The following C16orf89 variants were observed in gnomAD, a reference collection of about 807,000 sequenced individuals.
The protein encoded by C16orf89 is UPF0764 protein C16orf89.
C16orf89 carries 57 observed loss-of-function variants against 41.5 expected under a neutral mutation model. That is an observed-to-expected ratio of 1.38 (90% CI 1.11 to 1.71). The LOEUF is 1.71. C16orf89 is among the 40% of genes most tolerant of loss of function. The pLI is 0.00. For synonymous variants in C16orf89, 223 were observed against 190.6 expected (o/e 1.17, Z -1.40); for missense variants, 575 against 445.9 (o/e 1.29, Z -2.61).
In C16orf89 at chr16:5,060,327, C is replaced by G. The variant is rs373579037; in HGVS notation, c.468G>C (p.Glu156Asp). 45 of 1,612,924 alleles carry G rather than the reference C, an allele frequency of 2.8e-5. No individual in the cohort carries two copies. In the African/African-American group the frequency reaches 5.5e-4, roughly 20 times the overall value. ...PTFGPQDSFS[E>D]ERSDVCLVQL... is the part of the protein sequence containing the mutation. ...GCACCAGGCACACGTCACTTCTCTC[C>G]TCTGAGAATGAGTCCTGGGGCCCGA... Residue 156 changes from glutamate (E) to aspartate (D), a missense_variant, in exon 3 of 8, where the codon GAG becomes GAC. Transcript: ENST00000472572.
intron 5 of C16orf89, 160 bp from the exon 6 acceptor site, chr16:5,055,510 G>T (rs1567154908): frequency 2.1e-6 from 2 of 951,394 alleles, no homozygotes; most frequent in Non-Finnish European, 3.1e-6. Flanking sequence ...TTGAGCCTTT[G>T]CCTGACCAAC....
chr16:5,044,304 G>GGGGTCTGTTCCTCCTCCAGGCA lies in C16orf89; in HGVS notation c.*22_*43dup. The GGGGTCTGTTCCTCCTCCAGGCA allele has an allele frequency of 6.4e-7, 1 of 1,553,522 alleles. No homozygotes were observed. The highest frequency in any genetic ancestry group is 1.9e-5 in the Admixed American group (1 of 51,424). ...CAGGATCTAAGGGATGAGGACTAAA[G>GGGGTCTGTTCCTCCTCCAGGCA]GGGTCTGTTCCTCCTCCAGGCAGCT... On this transcript the variant is annotated 3_prime_UTR_variant, in exon 8 of 8. Coordinates refer to ENST00000472572, the MANE Select transcript of C16orf89 (RefSeq NM_001098514.3).
At chr16:5,055,846 G>A in intron 5 of C16orf89, 1 of 1,320,896 alleles carries the variant, frequency 7.6e-7, no homozygotes, top group Non-Finnish European at 1.0e-6. Flanking sequence ...AAATAGTTGG[G>A]ATAAACTTAT....
chr16:5,060,514 C>T (rs923925006), intron 2 of C16orf89, 78 bp from the exon 3 acceptor site: 1 of 1,416,552 alleles, frequency 7.1e-7, no homozygotes, highest in African/African-American at 1.4e-5. Context: ...GTCCCCACCT[C>T]CTCCTGCAGC....
In C16orf89 at chr16:5,056,677, G is replaced by C. The variant is rs150151157; in HGVS notation, c.628-489C>G. The stretch of plus-strand genomic sequence containing the variant: ...GGTGACTCCCCACACTGGGAGAGAA[G>C]AACAAGAGTTGACAGCAGGCTTTAG... On this transcript the variant is annotated intron_variant, in intron 4 of 7. Coordinates refer to ENST00000472572, the MANE Select transcript of C16orf89 (RefSeq NM_001098514.3). Among the ~76,000 whole-genome samples the C allele has an allele frequency of 4.2e-3, 633 of 152,294 alleles. 3 individuals are homozygous for C. Among genetic ancestry groups the C allele is most frequent in the African/African-American group, 0.014 (596 of 41,556 alleles).
chr16:5,050,837 A>T (rs757354479), intron 6 of C16orf89, among the ~76,000 whole-genome samples: 3 of 152,120 alleles, frequency 2.0e-5, no homozygotes, highest in East Asian at 1.9e-4. Context: ...TTTGCATTTT[A>T]AAAAAAATCA....
rs114801335 is a variant in C16orf89, at chr16:5,049,382, C to G, written c.869-1418G>C. The stretch of plus-strand genomic sequence containing the variant: ...AACAGACATTTACAGAACATTTCAT[C>G]TAACTGCTGCAGAATATATATTCTT... On this transcript the variant is annotated intron_variant, in intron 6 of 7. Transcript: ENST00000472572. Among the ~76,000 whole-genome samples the G allele has an allele frequency of 3.5e-3, 527 of 152,318 alleles. 9 individuals are homozygous for G. Among genetic ancestry groups the G allele is most frequent in the African/African-American group, 0.012 (513 of 41,576 alleles).
In C16orf89 at chr16:5,062,446, T is replaced by C; in HGVS notation, c.337A>G (p.Ser113Gly). 6.2e-7 allele frequency: 1 copy of C among 1,613,574 alleles called. No homozygotes were observed. The highest frequency in any genetic ancestry group is 8.5e-7 in the Non-Finnish European group (1 of 1,179,804). Residue 113 changes from serine (S) to glycine (G), a missense_variant, in exon 2 of 8, where the codon AGT (serine) becomes GGT (glycine). Transcript: ENST00000472572. ...IQRSLHYLKLSDPKYLREFQL... is the reference protein window; with the variant it reads ...IQRSLHYLKLGDPKYLREFQL... ...TCACCTCTTAGGTACTTGGGATCACTCAGCTTGAGGTAGTGGAGGGATCTC... is the reference window on the plus strand; with the variant it reads ...TCACCTCTTAGGTACTTGGGATCACCCAGCTTGAGGTAGTGGAGGGATCTC...
intron 6 of C16orf89, among the ~76,000 whole-genome samples, chr16:5,051,581 G>T (rs1272656368): frequency 6.6e-6 from 1 of 152,148 alleles, no homozygotes; most frequent in East Asian, 1.9e-4. Flanking sequence ...GACATCCCAT[G>T]TTTATGGATT....
intron 7 of C16orf89, among the ~76,000 whole-genome samples, chr16:5,047,095 G>C (rs1304805349): frequency 2.6e-5 from 4 of 152,188 alleles, no homozygotes; most frequent in African/African-American, 9.7e-5. Context: ...TCGACCAACA[G>C]GAGGTGCAGG....
At chr16:5,065,050 TTGTG>T (rs1022536074) in intron 1 of C16orf89, among the ~76,000 whole-genome samples, 1 of 151,776 alleles carries the variant, frequency 6.6e-6, no homozygotes, top group Admixed American at 6.6e-5. Context: ...ACCTGTGTGC[TTGTG>T]TGTGTGTGTG....
intron 2 of C16orf89, among the ~76,000 whole-genome samples, chr16:5,061,432 CAAAAAA>C (rs59903296): frequency 7.9e-5 from 2 of 25,242 alleles, no homozygotes; most frequent in Admixed American, 5.5e-4. Flanking sequence ...GACTCTGTCT[CAAAAAA>C]AAAAAAAAAA....
rs924452261 is a variant in C16orf89 at position 5,056,722 on chromosome 16, C to A, written c.628-534G>T. Among the ~76,000 whole-genome samples the A allele has an allele frequency of 2.0e-5, 3 of 152,184 alleles. No individual in the cohort carries two copies. In the East Asian group the frequency reaches 5.8e-4, roughly 29 times the overall value. On this transcript the variant is annotated intron_variant, in intron 4 of 7. Coordinates refer to ENST00000472572, the MANE Select transcript of C16orf89 (RefSeq NM_001098514.3). ...CTTTAGACACTTCTGTAGCAGTGGTCAGAGTTACTTTCCACCTGCTGAATC... is the reference window on the plus strand; with the variant it reads ...CTTTAGACACTTCTGTAGCAGTGGTAAGAGTTACTTTCCACCTGCTGAATC...
Position 5,062,509 on chromosome 16 carries a change from C to T in C16orf89, c.274G>A (p.Val92Met), listed in dbSNP as rs756079099. Residue 92 changes from valine (V) to methionine (M), a missense_variant, in exon 2 of 8, where the codon GTG becomes ATG. Val to Met is a conservative substitution (Grantham distance 21). Transcript: ENST00000472572. ...EPLLQPLSLR[V>M]GMLGEKLEAA... Reference sequence around the variant, plus strand: ...TCCAGCTTCTCCCCCAGCATCCCCACGCGCAGGCTCAGCGGCTGCAGCAGG... The same window carrying T: ...TCCAGCTTCTCCCCCAGCATCCCCATGCGCAGGCTCAGCGGCTGCAGCAGG... 32 of 1,613,912 alleles carry T rather than the reference C, an allele frequency of 2.0e-5. No individual in the cohort carries two copies. Among genetic ancestry groups the T allele is most frequent in the Middle Eastern group, 1.6e-4 (1 of 6,082 alleles).
At position 5,060,376 on chromosome 16, in the gene C16orf89, T is replaced by G. The variant is rs1297925045; in HGVS notation, c.419A>C (p.Asp140Ala). The G allele has an allele frequency of 6.2e-7, 1 of 1,613,458 alleles. No individual in the cohort carries two copies. Residue 140 changes from aspartate to alanine, a missense_variant, in exon 3 of 8, where the codon GAT (aspartate) becomes GCT (alanine). Coordinates refer to ENST00000472572, the MANE Select transcript of C16orf89 (RefSeq NM_001098514.3). ...GAACGTGGGGTACACCAAGGAGGCA[T>G]CAGTGTGGATCCAGGCATGTGGGAG... Reference protein sequence around the residue: ...WKLPHAWIHTDASLVYPTFGP... With the variant: ...WKLPHAWIHTAASLVYPTFGP...
intron 6 of C16orf89, among the ~76,000 whole-genome samples, chr16:5,048,891 G>A (rs13380670): frequency 0.029 from 4,349 of 151,212 alleles, 197 homozygotes; most frequent in African/African-American, 0.1. Flanking sequence ...AATGCAAATT[G>A]ATTCAGTCCC....
chr16:5,052,588 C>G (rs1475891081), intron 6 of C16orf89, among the ~76,000 whole-genome samples: 1 of 127,562 alleles, frequency 7.8e-6, no homozygotes, highest in Non-Finnish European at 1.7e-5. Context: ...GAGACCCTGT[C>G]TAAAAAGAAA....
chr16:5,062,234 G>A (rs1956641173), intron 2 of C16orf89, among the ~76,000 whole-genome samples, 191 bp downstream of exon 2: 2 of 152,168 alleles, frequency 1.3e-5, no homozygotes, highest in Admixed American at 1.3e-4. Flanking sequence ...AGGAGAGCCC[G>A]TCAGAGTCTG....
At position 5,058,802 on chromosome 16, in the gene C16orf89, A is replaced by G. The variant is rs111441485; in HGVS notation, c.510-192T>C. Among the ~76,000 whole-genome samples the G allele has an allele frequency of 2.3e-3, 344 of 152,198 alleles. 2 individuals are homozygous for G. Among genetic ancestry groups the G allele is most frequent in the African/African-American group, 7.4e-3 (307 of 41,558 alleles). On this transcript the variant is annotated intron_variant, in intron 3 of 7. Transcript: ENST00000472572. The stretch of plus-strand genomic sequence containing the variant: ...ATCTGGCTGCCCTAGCCCAGGAAAG[A>G]TGACGCTAGAGCTATTCTGGGGTTG...
Sources: allele counts gnomAD v4.1 joint callset (sites outside exome capture counted in the v4.1 genomes callset), GRCh38; gene constraint gnomAD v4.1.1; transcripts MANE v1.5; gene names NCBI Gene and HGNC (gene_info 2026-07-23, HGNC 2026-07-21).